IQGAP2: variants seen among roughly 807,000 people sequenced by gnomAD.
IQGAP2 encodes the protein IQ motif containing GTPase activating protein 2.
In IQGAP2, 173 loss-of-function variants were observed where a neutral mutation model predicts 201.3. The observed-to-expected ratio is 0.86, with a 90% CI of 0.76 to 0.98. IQGAP2 has a LOEUF of 0.98. Among genes scored for constraint, IQGAP2 ranks in the 50% least tolerant of loss-of-function variants. The pLI, the probability that IQGAP2 is intolerant of heterozygous loss-of-function variation, is 0.00. For missense variants in IQGAP2, 1,687 were observed against 1,864.8 expected (o/e 0.90, Z 1.76); for synonymous variants, 675 against 673.9 (o/e 1.00, Z -0.03).
At chr5:76,609,975 A>G (rs1464891163) in intron 12 of IQGAP2, among the ~76,000 whole-genome samples, 1 of 146,086 alleles carries the variant, frequency 6.8e-6, no homozygotes, top group Non-Finnish European at 1.5e-5. Flanking sequence ...TTTCATTAGA[A>G]TTGTAAAAGC....
intron 17 of IQGAP2, among the ~76,000 whole-genome samples, chr5:76,652,246 G>A (rs1043941343): frequency 1.3e-5 from 2 of 152,210 alleles, no homozygotes; most frequent in African/African-American, 4.8e-5. Context: ...GTCAGTTGCA[G>A]CACCAGTGTT....
rs191696350 is a variant in IQGAP2 at position 76,587,984 on chromosome 5, A to G, written c.459-922A>G. Among the ~76,000 whole-genome samples, 288 of 152,012 alleles carry G rather than the reference A, an allele frequency of 1.9e-3. 2 individuals carry two copies. The highest frequency in any genetic ancestry group is 1.4e-3 in the Non-Finnish European group (96 of 67,962). ...AAAAAAAAATCAGAAAATTATTGTC[A>G]GTTTTAATGCAAGCTACTTACATTA... On this transcript the variant is annotated intron_variant, in intron 5 of 35. Coordinates refer to ENST00000274364, the MANE Select transcript of IQGAP2 (RefSeq NM_006633.5).
intron 2 of IQGAP2, among the ~76,000 whole-genome samples, chr5:76,498,621 G>A (rs1757113574): frequency 6.6e-6 from 1 of 152,174 alleles, no homozygotes; most frequent in African/African-American, 2.4e-5. Context: ...TTCTCTTAGG[G>A]TTTTTAGGGT....
chr5:76,705,309 A>C (rs947889402), intron 35 of IQGAP2, among the ~76,000 whole-genome samples: 7 of 152,208 alleles, frequency 4.6e-5, no homozygotes, highest in African/African-American at 1.4e-4. Flanking sequence ...TCTCATTCCC[A>C]GTAGCACCCT....
chr5:76,624,771 A>T (rs1750064510), intron 13 of IQGAP2, among the ~76,000 whole-genome samples: 1 of 152,128 alleles, frequency 6.6e-6, no homozygotes, highest in African/African-American at 2.4e-5. Flanking sequence ...TCTTCTGGTG[A>T]ACAACTGAAA....
intron 2 of IQGAP2, among the ~76,000 whole-genome samples, chr5:76,496,793 C>G (rs936847079): frequency 4.5e-5 from 3 of 66,342 alleles, no homozygotes; most frequent in Non-Finnish European, 9.0e-5. Context: ...TTCTTTCTTT[C>G]TCTTTCTTTC....
intron 15 of IQGAP2, 151 bp downstream of exon 15, chr5:76,632,177 T>C: frequency 1.5e-6 from 1 of 658,778 alleles, no homozygotes; most frequent in Non-Finnish European, 2.4e-6. Flanking sequence ...AGGAAAAGTT[T>C]TAGATGTTTC....
intron 2 of IQGAP2, among the ~76,000 whole-genome samples, chr5:76,469,275 C>G (rs1346096379): frequency 6.6e-6 from 1 of 151,976 alleles, no homozygotes; most frequent in African/African-American, 2.4e-5. Context: ...GAGTATTGCT[C>G]AATGAATGAA....
At chr5:76,428,639 G>A (rs905695599) in intron 1 of IQGAP2, among the ~76,000 whole-genome samples, 3 of 151,092 alleles carry the variant, frequency 2.0e-5, no homozygotes, top group African/African-American at 7.3e-5. Context: ...CACCATGTTG[G>A]TCAGGTTGGT....
chr5:76,417,442 A>G (rs956633539), intron 1 of IQGAP2, among the ~76,000 whole-genome samples: 4 of 151,964 alleles, frequency 2.6e-5, no homozygotes, highest in Non-Finnish European at 1.5e-5. Context: ...GGCGTCTGCT[A>G]CCATGCTGAG....
At chr5:76,576,753 T>C (rs945712993) in intron 5 of IQGAP2, among the ~76,000 whole-genome samples, 8 of 152,222 alleles carry the variant, frequency 5.3e-5, no homozygotes, top group Admixed American at 3.9e-4. Flanking sequence ...CTTTGGAAGA[T>C]GACAGTTGCT....
At chr5:76,496,565 G>T (rs774771714) in intron 2 of IQGAP2, among the ~76,000 whole-genome samples, 3 of 152,178 alleles carry the variant, frequency 2.0e-5, no homozygotes, top group Non-Finnish European at 4.4e-5. Context: ...TGTACTCAGG[G>T]AGAGGGGCCT....
At chr5:76,640,823 C>A in intron 16 of IQGAP2, 110 bp from the exon 17 acceptor site, 2 of 816,818 alleles carry the variant, frequency 2.4e-6, no homozygotes, top group East Asian at 2.6e-5. Flanking sequence ...TAAACCAAGC[C>A]AAAAGGAGAC....
At chr5:76,454,130 T>G (rs1753927357) in intron 1 of IQGAP2, among the ~76,000 whole-genome samples, 1 of 152,058 alleles carries the variant, frequency 6.6e-6, no homozygotes, top group Non-Finnish European at 1.5e-5. Flanking sequence ...ATCCCAAATC[T>G]AGGAATCATT....
At chr5:76,672,183 C>T (rs1427420522) in intron 24 of IQGAP2, among the ~76,000 whole-genome samples, 200 bp downstream of exon 24, 1 of 152,132 alleles carries the variant, frequency 6.6e-6, no homozygotes, top group Non-Finnish European at 1.5e-5. Flanking sequence ...CCAGGTGATC[C>T]CCAATGCCAC....
In IQGAP2 at chr5:76,692,087, G is replaced by A. The variant is rs372576950; in HGVS notation, c.3906-1268G>A. Among the ~76,000 whole-genome samples the A allele has an allele frequency of 3.3e-5, 5 of 152,168 alleles. No individual in the cohort carries two copies. The East Asian group carries it at 7.7e-4, about 23-fold the overall frequency. ...TCAGATGTCAATTAGACCAGTGTAT[G>A]TATAATTTAAACAAACTTTTGTCTG... On this transcript the variant is annotated intron_variant, in intron 30 of 35. Coordinates refer to ENST00000274364, the MANE Select transcript of IQGAP2 (RefSeq NM_006633.5).
At chr5:76,638,215 C>T (rs1167327754) in intron 16 of IQGAP2, among the ~76,000 whole-genome samples, 1 of 152,144 alleles carries the variant, frequency 6.6e-6, no homozygotes, top group Non-Finnish European at 1.5e-5. Context: ...CCCATCTTTA[C>T]TAAAAATACA....
chr5:76,438,736 C>A (rs1166350343), intron 1 of IQGAP2, among the ~76,000 whole-genome samples: 2 of 152,132 alleles, frequency 1.3e-5, no homozygotes, highest in South Asian at 2.1e-4. Flanking sequence ...AGCCACCGTG[C>A]CTGGCCTTCA....
At chr5:76,615,071 T>C (rs1002964583) in intron 13 of IQGAP2, among the ~76,000 whole-genome samples, 1 of 152,182 alleles carries the variant, frequency 6.6e-6, no homozygotes, top group African/African-American at 2.4e-5. Context: ...GAAAGAGACT[T>C]GAGTAATGGT....
Sources: allele counts gnomAD v4.1 joint callset (sites outside exome capture counted in the v4.1 genomes callset), GRCh38; gene constraint gnomAD v4.1.1; transcripts MANE v1.5; gene names NCBI Gene and HGNC (gene_info 2026-07-23, HGNC 2026-07-21).